KCNT1: variants seen among roughly 807,000 people sequenced by gnomAD.
KCNT1 encodes the protein potassium sodium-activated channel subfamily T member 1.
In KCNT1, 78 loss-of-function variants were observed where a neutral mutation model predicts 147.8. That is an observed-to-expected ratio of 0.53 (90% CI 0.44 to 0.64). The LOEUF (loss-of-function observed/expected upper bound fraction) is 0.64, where lower values mean the gene tolerates loss of function less well. KCNT1 is among the 30% of genes least tolerant of loss of function. The probability of loss-of-function intolerance (pLI) is 0.00; values close to 1 mark genes in which losing one functional copy is unlikely to be tolerated. For missense variants in KCNT1, 1,419 were observed against 1,750.3 expected, an observed-to-expected ratio of 0.81 and a Z score of 3.38; for synonymous variants, 867 against 748.8, an observed-to-expected ratio of 1.16 and a Z score of -2.58.
At chr9:135,717,283 G>A (rs1218793042) in intron 2 of KCNT1, among the ~76,000 whole-genome samples, 1 of 149,258 alleles carries the variant, frequency 6.7e-6, no homozygotes, top group Non-Finnish European at 1.5e-5. Context: ...TCTATAGGAT[G>A]AGAGGGAAGG....
Position 135,784,040 on chromosome 9 carries a change from G to C in KCNT1, c.2858G>C (p.Gly953Ala). 6.2e-7 allele frequency: 1 copy of C among 1,606,440 alleles called. No individual in the cohort carries two copies. Among genetic ancestry groups the C allele is most frequent in the Non-Finnish European group, 8.5e-7 (1 of 1,179,948 alleles). ...TTCCCACAGAGGGAGCGAGAGAATG[G>C]CTCCAACCTGGCCTTCATGTTCCGC... ...SKLEKREREN[G>A]SNLAFMFRLP... The change falls in exon 25 of 31, where the codon GGC becomes GCC. Residue 953 changes from glycine (G) to alanine (A), a missense_variant. Gly to Ala is a moderately conservative substitution (Grantham distance 60). Around this residue, in one of 5 missense-constraint regions of KCNT1, gnomAD observed 247 missense variants for 397.1 expected, o/e 0.62. Transcript: ENST00000371757.
chr9:135,746,813 AG>A, intron 2 of KCNT1, among the ~76,000 whole-genome samples: 1 of 151,812 alleles, frequency 6.6e-6, no homozygotes, highest in Non-Finnish European at 1.5e-5. Context: ...CCCGCCTAGG[AG>A]GAGTGGCCAG....
intron 2 of KCNT1, among the ~76,000 whole-genome samples, chr9:135,743,184 G>A (rs35017994): frequency 0.1 from 15,655 of 152,066 alleles, 1,159 homozygotes; most frequent in South Asian, 0.16. Context: ...GCCTGTGCCG[G>A]TCGAGCTCCC....
rs181284302 is a variant in KCNT1 at position 135,760,802 on chromosome 9, C to G, written c.1035+943C>G. Among the ~76,000 whole-genome samples, 992 of 152,352 alleles carry G rather than the reference C, an allele frequency of 6.5e-3. 7 individuals are homozygous for G. The highest frequency in any genetic ancestry group is 0.023 in the African/African-American group (938 of 41,568). On this transcript the variant is annotated intron_variant, in intron 11 of 30. Transcript: ENST00000371757. ...CTGTTCTCCTGAGTTCAGATGGGGC[C>G]GTGCGCGTCTTTCCATCTGGTTGTC...
At chr9:135,770,195 T>C (rs1832655320) in intron 16 of KCNT1, 103 bp from the exon 17 acceptor site, 3 of 1,438,038 alleles carry the variant, frequency 2.1e-6, no homozygotes, top group South Asian at 2.6e-5. Flanking sequence ...AGGGAGGGGA[T>C]CCATGCCAGG....
rs1834610259 is a variant in KCNT1, at chr9:135,792,454, G to C, written c.*293G>C. 2 of 310,844 alleles carry C rather than the reference G, an allele frequency of 6.4e-6. No homozygotes were observed. The highest frequency in any genetic ancestry group is 3.2e-5 in the South Asian group (1 of 31,264). 19.3% of individuals were successfully genotyped at this position (310,844 alleles called of 1,614,324 possible). A position where few individuals can be genotyped will look rare whatever the true frequency, so the allele number is the denominator to read the frequency against. On this transcript the variant is annotated 3_prime_UTR_variant, in exon 31 of 31. Coordinates refer to ENST00000371757, the MANE Select transcript of KCNT1 (RefSeq NM_020822.3). ...ACTCGTGACCAGGGCTGGCTGGGAGGGCAACGCAGGGACTGGACGCCCTAC... is the reference window on the plus strand; with the variant it reads ...ACTCGTGACCAGGGCTGGCTGGGAGCGCAACGCAGGGACTGGACGCCCTAC...
chr9:135,769,553 G>A (rs897123607), intron 15 of KCNT1, among the ~76,000 whole-genome samples: 1 of 152,212 alleles, frequency 6.6e-6, no homozygotes, highest in Middle Eastern at 3.2e-3. Context: ...TCAGGTGGGG[G>A]CAGGAGCACC....
In KCNT1 at chr9:135,730,139, C is replaced by T. The variant is rs139977775; in HGVS notation, c.254+15419C>T. Among the ~76,000 whole-genome samples, 472 of 152,302 alleles carry T rather than the reference C, an allele frequency of 3.1e-3. 1 individual carries two copies. The highest frequency in any genetic ancestry group is 5.9e-3 in the Admixed American group (90 of 15,304). Reference sequence around the variant, plus strand: ...ATATAATTCCTGCTGGAAACACCCTCGACCCTTTCTCTTTAATGACAGATT... The same window carrying T: ...ATATAATTCCTGCTGGAAACACCCTTGACCCTTTCTCTTTAATGACAGATT... On this transcript the variant is annotated intron_variant, in intron 2 of 30. Coordinates refer to ENST00000371757, the MANE Select transcript of KCNT1 (RefSeq NM_020822.3). The surrounding 1 kb of genome is among the most constrained non-coding windows in gnomAD (Gnocchi z 4.7).
At chr9:135,745,560 G>A (rs554738100) in intron 2 of KCNT1, among the ~76,000 whole-genome samples, 2 of 152,344 alleles carry the variant, frequency 1.3e-5, no homozygotes, top group Admixed American at 6.5e-5. Context: ...GATGAGCACC[G>A]GGGCAGCCTC....
At chr9:135,786,147 C>T in intron 28 of KCNT1, 50 bp from the exon 29 acceptor site, 1 of 1,543,806 alleles carries the variant, frequency 6.5e-7, no homozygotes, top group Non-Finnish European at 8.8e-7. Context: ...GCCCGCGACC[C>T]TCCCGGCAGC....
chr9:135,763,548 C>T (rs112785964), intron 11 of KCNT1, among the ~76,000 whole-genome samples: 34 of 152,152 alleles, frequency 2.2e-4, no homozygotes, highest in African/African-American at 5.3e-4. Flanking sequence ...CCTATCAGGC[C>T]GCTTTGGGGG....
intron 1 of KCNT1, among the ~76,000 whole-genome samples, chr9:135,710,019 G>A (rs1443024508): frequency 6.6e-6 from 1 of 152,172 alleles, no homozygotes; most frequent in African/African-American, 2.4e-5. Context: ...CACGGGACCT[G>A]TAGGCACCAG....
rs1461720193 is a variant in KCNT1, at chr9:135,778,946, C to T, written c.2729+124C>T. On this transcript the variant is annotated intron_variant, in intron 23 of 30. Transcript: ENST00000371757. ...CCTGAGACCCCCACAGCCACGACCA[C>T]GGGCCCTCGCCCTGAGACCGCCACA... The T allele has an allele frequency of 3.2e-5, 37 of 1,163,092 alleles. No individual in the cohort carries two copies. The African/African-American group carries it at 4.2e-4, about 13-fold the overall frequency. 72.0% of individuals were successfully genotyped at this position (1,163,092 alleles called of 1,614,324 possible). A position where few individuals can be genotyped will look rare whatever the true frequency, so the allele number is the denominator to read the frequency against.
intron 2 of KCNT1, among the ~76,000 whole-genome samples, chr9:135,729,891 AG>A (rs1332717483): frequency 6.6e-6 from 1 of 152,178 alleles, no homozygotes; most frequent in Non-Finnish European, 1.5e-5. Context: ...ACCACTGGGC[AG>A]GTACTTCCCC....
At chr9:135,739,609 C>T (rs1433406098) in intron 2 of KCNT1, among the ~76,000 whole-genome samples, 3 of 152,188 alleles carry the variant, frequency 2.0e-5, no homozygotes, top group Non-Finnish European at 4.4e-5. Flanking sequence ...TCGGCACACC[C>T]CTTCCCCTGG....
Position 135,775,313 on chromosome 9 carries a change from T to C in KCNT1, c.2247T>C (p.Tyr749=). The change falls in exon 20 of 31, where the codon TAT becomes TAC. Residue 749 remains tyrosine, a synonymous_variant. Coordinates refer to ENST00000371757, the MANE Select transcript of KCNT1 (RefSeq NM_020822.3). ...GGGCTCCTGTCTCCTGCCCCAGGTATGTGAAGGGCTACCCTCCCAACTCGC... is the reference window on the plus strand; with the variant it reads ...GGGCTCCTGTCTCCTGCCCCAGGTACGTGAAGGGCTACCCTCCCAACTCGC... ...SDDEGLSVVE[Y]VKGYPPNSPY... 1.2e-6 allele frequency: 2 copies of C among 1,604,646 alleles called. No individual in the cohort carries two copies. Among genetic ancestry groups the C allele is most frequent in the Non-Finnish European group, 1.7e-6 (2 of 1,175,234 alleles).
rs751932639 is a variant in KCNT1 at position 135,768,240 on chromosome 9, CGGGGGGGGGGG to C, written c.1338-363_1338-353del. Among the ~76,000 whole-genome samples the C allele has an allele frequency of 7.9e-4, 4 of 5,080 alleles. 1 individual carries two copies. Among genetic ancestry groups the C allele is most frequent in the Non-Finnish European group, 1.2e-3 (4 of 3,362 alleles). The allele number at this position is 5,080 out of a possible 152,430, so 3.3% of individuals were successfully genotyped here. On this transcript the variant is annotated intron_variant, in intron 13 of 30. Transcript: ENST00000371757. ...AGTCTGGAGAGGCCCAGGATGCCTG[CGGGGGGGGGGG>C]GGGGGGCACTGGGATACCGGTGGGG...
At chr9:135,737,730 G>A (rs1394445599) in intron 2 of KCNT1, among the ~76,000 whole-genome samples, 3 of 152,226 alleles carry the variant, frequency 2.0e-5, no homozygotes, top group Non-Finnish European at 4.4e-5. Flanking sequence ...CAGGGCCAAG[G>A]GTGCCCAGGA....
chr9:135,786,283 C>T lies in KCNT1; in HGVS notation c.3264C>T (p.Ser1088=), dbSNP rs764485934. 2.1e-5 allele frequency: 33 copies of T among 1,607,602 alleles called. No individual in the cohort carries two copies. The highest frequency in any genetic ancestry group is 1.7e-6 in the Non-Finnish European group (2 of 1,177,996). ...GCTCCCGCGCTGGCACCGGAGGCAG[C>T]TCCCAGGGCCGCCACACGGGCGGCG... ...PWGSRAGTGG[S]SQGRHTGGGD... Residue 1088 remains serine (S), a synonymous_variant, in exon 29 of 31, where the codon AGC becomes AGT. Coordinates refer to ENST00000371757, the MANE Select transcript of KCNT1 (RefSeq NM_020822.3).
Sources: allele counts gnomAD v4.1 joint callset (sites outside exome capture counted in the v4.1 genomes callset), GRCh38; gene constraint gnomAD v4.1.1; regional missense constraint gnomAD v4.1.1; non-coding constraint Gnocchi (gnomAD v3.1); transcripts MANE v1.5; gene names NCBI Gene and HGNC (gene_info 2026-07-23, HGNC 2026-07-21).